The following PBRM1 variants were observed in gnomAD, a reference collection of about 807,000 sequenced individuals.
PBRM1 encodes polybromo 1.
A neutral mutation model predicts 194.5 loss-of-function variants in PBRM1; 27 were observed. The observed-to-expected ratio is 0.14, with a 90% confidence interval of 0.10 to 0.19. The LOEUF (loss-of-function observed/expected upper bound fraction) is 0.19, where lower values mean the gene tolerates loss of function less well. Ranked by LOEUF, PBRM1 falls within the 10% of genes least tolerant of loss-of-function variation. The pLI is 1.00. For missense variants in PBRM1, 1,466 were observed against 2,077.2 expected (o/e 0.71, Z 5.72); for synonymous variants, 655 against 693.2 (o/e 0.94, Z 0.87).
chr3:52,658,013 G>A (rs1264678149), intron 5 of PBRM1, among the ~76,000 whole-genome samples, 186 bp downstream of exon 6: 1 of 143,538 alleles, frequency 7.0e-6, no homozygotes, highest in African/African-American at 2.6e-5. Flanking sequence ...GGATGGTCTC[G>A]AACTCCCAAC....
At chr3:52,671,428 G>A (rs1337144351) in intron 2 of PBRM1, among the ~76,000 whole-genome samples, 1 of 152,202 alleles carries the variant, frequency 6.6e-6, no homozygotes, top group Admixed American at 6.5e-5. Flanking sequence ...CAGAGGGACG[G>A]TATCTTCTAT....
chr3:52,619,420 T>C (rs561135098), intron 13 of PBRM1, among the ~76,000 whole-genome samples: 1 of 152,332 alleles, frequency 6.6e-6, no homozygotes, highest in South Asian at 2.1e-4. Context: ...AAAAATGCTA[T>C]ATAGTTGTTT....
chr3:52,607,690 GT>G (rs1297665441), intron 16 of PBRM1, among the ~76,000 whole-genome samples: 1 of 152,154 alleles, frequency 6.6e-6, no homozygotes, highest in African/African-American at 2.4e-5. Context: ...AGCAGAGTTT[GT>G]TTTGCCCACT....
At chr3:52,605,238 G>A (rs1445071990) in intron 16 of PBRM1, among the ~76,000 whole-genome samples, 1 of 152,050 alleles carries the variant, frequency 6.6e-6, no homozygotes, top group Non-Finnish European at 1.5e-5. Flanking sequence ...GTAGCAACAG[G>A]GTGCTCCCTG....
chr3:52,567,912 C>T lies in PBRM1; in HGVS notation c.3692-3679G>A, dbSNP rs139631472. Among the ~76,000 whole-genome samples the T allele has an allele frequency of 4.4e-4, 66 of 149,578 alleles. 1 individual carries two copies. In the East Asian group the frequency reaches 0.013, roughly 29 times the overall value. ...GATCCGCCTCCCTCAGCCTCCCAAA[C>T]TGCTGGGATTACAGGTGTGAACCAC... On this transcript the variant is annotated intron_variant, in intron 22 of 29. Transcript: ENST00000296302.
At chr3:52,635,097 T>G (rs576110332) in intron 10 of PBRM1, among the ~76,000 whole-genome samples, 1 of 152,132 alleles carries the variant, frequency 6.6e-6, no homozygotes, top group Non-Finnish European at 1.5e-5. Flanking sequence ...AGCTAATTTT[T>G]GGATTTTTCA....
At chr3:52,587,624 G>A in intron 18 of PBRM1, 114 bp from the exon 21 acceptor site, 2 of 780,740 alleles carry the variant, frequency 2.6e-6, no homozygotes, top group Non-Finnish European at 3.9e-6. Context: ...TGCCCAGGCT[G>A]GACTTGAATT....
intron 11 of PBRM1, among the ~76,000 whole-genome samples, chr3:52,631,242 G>A (rs185042594): frequency 3.3e-3 from 506 of 152,016 alleles, no homozygotes; most frequent in Admixed American, 8.0e-3. Context: ...AGGTCAAGGC[G>A]GGCAGATTGC....
At chr3:52,600,822 A>C (rs976629751) in intron 17 of PBRM1, among the ~76,000 whole-genome samples, 5 of 152,122 alleles carry the variant, frequency 3.3e-5, no homozygotes, top group African/African-American at 9.7e-5. Flanking sequence ...TATTTTTAGT[A>C]GAGACAGGGT....
intron 26 of PBRM1, among the ~76,000 whole-genome samples, chr3:52,557,153 G>A (rs2082395761): frequency 1.3e-5 from 2 of 152,108 alleles, no homozygotes; most frequent in Admixed American, 1.3e-4. Context: ...TAGAGCAGGC[G>A]ATTATGAGAT....
At chr3:52,577,085 G>A (rs1297532638) in intron 21 of PBRM1, among the ~76,000 whole-genome samples, 1 of 152,180 alleles carries the variant, frequency 6.6e-6, no homozygotes, top group African/African-American at 2.4e-5. Flanking sequence ...GATCACATGA[G>A]TGGCAGACAT....
chr3:52,614,130 T>A (rs2094809440), intron 15 of PBRM1, among the ~76,000 whole-genome samples: 1 of 152,234 alleles, frequency 6.6e-6, no homozygotes, highest in East Asian at 1.9e-4. Context: ...CCCAGCACTT[T>A]GGGAGGCCAA....
At chr3:52,590,713 T>G (rs1179418328) in intron 17 of PBRM1, among the ~76,000 whole-genome samples, 1 of 152,186 alleles carries the variant, frequency 6.6e-6, no homozygotes, top group East Asian at 1.9e-4. Context: ...TCTGCCCGCC[T>G]TAGCCTCCTA....
chr3:52,668,652 T>C lies in PBRM1; in HGVS notation c.237-7A>G, dbSNP rs2153986286. ...ATAATAGTCTGGTTGATTTCTGTTA[T>C]AATTTAAATTTTTTTAAAGGAGATT... On this transcript the variant is annotated splice_region_variant and splice_polypyrimidine_tract_variant and intron_variant, in intron 2 of 29. Coordinates refer to ENST00000296302, the Ensembl canonical transcript of PBRM1. 6 of 1,525,834 alleles carry C rather than the reference T, an allele frequency of 3.9e-6. No individual in the cohort carries two copies. Among genetic ancestry groups the C allele is most frequent in the Non-Finnish European group, 5.3e-6 (6 of 1,136,812 alleles). The allele number at this position is 1,525,834 out of a possible 1,614,324, so 94.5% of individuals were successfully genotyped here.
At chr3:52,625,423 C>CA (rs1159079559) in intron 13 of PBRM1, among the ~76,000 whole-genome samples, 1 of 152,124 alleles carries the variant, frequency 6.6e-6, no homozygotes, top group Non-Finnish European at 1.5e-5. Context: ...ATTTCAAACT[C>CA]AGATTCTTTT....
chr3:52,626,506 A>C (rs2095451703), intron 13 of PBRM1, among the ~76,000 whole-genome samples: 1 of 152,194 alleles, frequency 6.6e-6, no homozygotes, highest in Non-Finnish European at 1.5e-5. Context: ...TTCCTTATTG[A>C]AGGTATCTTC....
At chr3:52,651,645 G>T in intron 6 of PBRM1, 97 bp downstream of exon 7, 1 of 606,144 alleles carries the variant, frequency 1.6e-6, no homozygotes, top group South Asian at 2.9e-5. Context: ...ACCCCTTACA[G>T]AGACAACTAG....
At chr3:52,553,663 CTTTTTTT>C (rs71084188) in intron 27 of PBRM1, among the ~76,000 whole-genome samples, 2 of 119,424 alleles carry the variant, frequency 1.7e-5, no homozygotes, top group South Asian at 2.7e-4. Context: ...CTAATTTTTC[CTTTTTTT>C]TTTTTTTTTT....
chr3:52,603,773 T>C, intron 16 of PBRM1, 41 bp from the exon 19 acceptor site: 1 of 1,551,450 alleles, frequency 6.4e-7, no homozygotes, highest in Non-Finnish European at 8.8e-7. Flanking sequence ...TACAAGCTGT[T>C]TCTTTTAAAC....
Sources: allele counts gnomAD v4.1 joint callset (sites outside exome capture counted in the v4.1 genomes callset), GRCh38; gene constraint gnomAD v4.1.1; transcripts MANE v1.5; gene names NCBI Gene and HGNC (gene_info 2026-07-23, HGNC 2026-07-21).